BNC2: variants seen among roughly 807,000 people sequenced by gnomAD.
The protein encoded by BNC2 is basonuclin zinc finger protein 2.
In BNC2, 20 loss-of-function variants were observed where a neutral mutation model predicts 76.3. The observed-to-expected ratio is 0.26, with a 90% confidence interval of 0.18 to 0.38. The LOEUF (loss-of-function observed/expected upper bound fraction) is 0.38. BNC2 is among the 10% of genes least tolerant of loss of function. The pLI is 1.00. For synonymous variants in BNC2, 582 were observed against 514.8 expected (o/e 1.13, Z -1.77); for missense variants, 1,382 against 1,399.8 (o/e 0.99, Z 0.20).
chr9:16,860,560 C>T (rs1318198691), intron 1 of BNC2, among the ~76,000 whole-genome samples: 1 of 152,160 alleles, frequency 6.6e-6, no homozygotes, highest in East Asian at 1.9e-4. Flanking sequence ...ATCTATGAAT[C>T]CACCCTGTGG....
intron 2 of BNC2, among the ~76,000 whole-genome samples, chr9:16,734,713 T>C (rs1824614034): frequency 6.6e-6 from 1 of 152,226 alleles, no homozygotes; most frequent in Non-Finnish European, 1.5e-5. Context: ...GAACATGATA[T>C]CCAAGCCCGT....
intron 5 of BNC2, among the ~76,000 whole-genome samples, chr9:16,509,680 G>T (rs956193922): frequency 6.6e-6 from 1 of 152,190 alleles, no homozygotes; most frequent in African/African-American, 2.4e-5. Context: ...AAAGTATAAG[G>T]TTCCAAAACC....
intron 5 of BNC2, among the ~76,000 whole-genome samples, chr9:16,523,703 T>TC (rs779121790): frequency 2.6e-5 from 4 of 151,936 alleles, no homozygotes; most frequent in Non-Finnish European, 5.9e-5. Flanking sequence ...GGCGGGCGGA[T>TC]CACCTGAGGT....
intron 3 of BNC2, among the ~76,000 whole-genome samples, chr9:16,617,079 C>G (rs1368451450): frequency 1.3e-5 from 2 of 152,114 alleles, no homozygotes; most frequent in Non-Finnish European, 2.9e-5. Context: ...AGTAACTATT[C>G]AGACAACCAT....
chr9:16,784,246 T>C (rs958220902), intron 1 of BNC2, among the ~76,000 whole-genome samples: 1 of 152,134 alleles, frequency 6.6e-6, no homozygotes. Flanking sequence ...AACAGATAAT[T>C]AGGGTTCAGA....
rs544419681 is a variant in BNC2 at position 16,607,922 on chromosome 9, G to T, written c.331-24837C>A. On this transcript the variant is annotated intron_variant, in intron 3 of 6. Transcript: ENST00000380672. ...CACAGTTTTTAAAGAGTAAGACAGG[G>T]TTCCCAGGATCCCCAATTTACTCTT... Among the ~76,000 whole-genome samples the T allele has an allele frequency of 3.6e-4, 55 of 152,200 alleles. 1 individual carries two copies. In the South Asian group the frequency reaches 0.011, roughly 29 times the overall value.
intron 1 of BNC2, among the ~76,000 whole-genome samples, chr9:16,839,015 A>T (rs997860198): frequency 2.0e-5 from 3 of 152,246 alleles, no homozygotes; most frequent in Non-Finnish European, 2.9e-5. Context: ...TTCACTAGTC[A>T]GTAGAGGTGA....
intron 6 of BNC2, among the ~76,000 whole-genome samples, chr9:16,423,163 C>A (rs1388493658): frequency 3.3e-5 from 5 of 152,190 alleles, no homozygotes; most frequent in African/African-American, 1.2e-4. Flanking sequence ...AGCTCTCCAG[C>A]GACAGAGATG....
chr9:16,785,591 T>A (rs1479449655), intron 1 of BNC2, among the ~76,000 whole-genome samples: 3 of 149,886 alleles, frequency 2.0e-5, no homozygotes, highest in African/African-American at 4.9e-5. Flanking sequence ...AGAGGTGAGG[T>A]TTCACCATGT....
At chr9:16,805,332 TGG>T (rs1491035523) in intron 1 of BNC2, among the ~76,000 whole-genome samples, 2 of 151,306 alleles carry the variant, frequency 1.3e-5, no homozygotes, top group South Asian at 2.1e-4. Flanking sequence ...ATTTTTTTGT[TGG>T]TTTTTTTTTG....
intron 3 of BNC2, among the ~76,000 whole-genome samples, chr9:16,664,467 T>A (rs1007852652): frequency 6.6e-6 from 1 of 152,046 alleles, no homozygotes; most frequent in Non-Finnish European, 1.5e-5. Flanking sequence ...CTATACCAAG[T>A]TTTTGCTCAA....
chr9:16,450,730 T>C (rs1747910502), intron 5 of BNC2, among the ~76,000 whole-genome samples: 1 of 152,194 alleles, frequency 6.6e-6, no homozygotes, highest in Non-Finnish European at 1.5e-5. Context: ...AAGAAACAGC[T>C]GCAGCAAAAG....
At chr9:16,681,551 A>G (rs1485688589) in intron 3 of BNC2, among the ~76,000 whole-genome samples, 2 of 152,066 alleles carry the variant, frequency 1.3e-5, no homozygotes, top group Non-Finnish European at 2.9e-5. Flanking sequence ...GCTCTTGGAG[A>G]AGATGAAAAG....
At chr9:16,563,565 C>G (rs1819077995) in intron 4 of BNC2, among the ~76,000 whole-genome samples, 1 of 152,160 alleles carries the variant, frequency 6.6e-6, no homozygotes, top group Non-Finnish European at 1.5e-5. Flanking sequence ...AGGATGGTTT[C>G]AATTTCTTAG....
chr9:16,531,374 G>C (rs562475383), intron 5 of BNC2, among the ~76,000 whole-genome samples: 1 of 151,342 alleles, frequency 6.6e-6, no homozygotes, highest in South Asian at 2.1e-4. Context: ...ATTTCTGTTT[G>C]AGACGATGTT....
chr9:16,660,906 T>G (rs567771317), intron 3 of BNC2, among the ~76,000 whole-genome samples: 1 of 152,330 alleles, frequency 6.6e-6, no homozygotes, highest in African/African-American at 2.4e-5. Context: ...ATAGATTATA[T>G]GCATAGTAAT....
chr9:16,778,339 T>C (rs898418562), intron 1 of BNC2, among the ~76,000 whole-genome samples: 2 of 152,102 alleles, frequency 1.3e-5, no homozygotes, highest in African/African-American at 4.8e-5. Context: ...AGTGACAAAA[T>C]TCCAGAGTCT....
chr9:16,847,133 T>C (rs990422362), intron 1 of BNC2, among the ~76,000 whole-genome samples: 3 of 152,056 alleles, frequency 2.0e-5, no homozygotes, highest in Non-Finnish European at 2.9e-5. Flanking sequence ...CTGCGGTAGG[T>C]CTACTTTCCA....
At chr9:16,650,868 T>G (rs1036578941) in intron 3 of BNC2, among the ~76,000 whole-genome samples, 7 of 152,184 alleles carry the variant, frequency 4.6e-5, no homozygotes, top group Non-Finnish European at 8.8e-5. Flanking sequence ...CAAAGTTATG[T>G]TTGTGTAAGT....
Sources: gnomAD v4.1 joint callset for allele counts (sites outside exome capture counted in the v4.1 genomes callset) on GRCh38, gnomAD v4.1.1 for gene constraint, MANE v1.5 for transcripts, NCBI Gene and HGNC (gene_info 2026-07-23, HGNC 2026-07-21) for gene names.